Variants in PDE4D observed in about 807,000 individuals in gnomAD.
The protein encoded by PDE4D is 3',5'-cyclic-AMP phosphodiesterase 4D.
In PDE4D, 24 loss-of-function variants were observed where a neutral mutation model predicts 87.4. The observed-to-expected ratio is 0.27, with a 90% CI of 0.20 to 0.39. PDE4D has a LOEUF of 0.39. Ranked by LOEUF, PDE4D falls within the 10% of genes least tolerant of loss-of-function variation. PDE4D has a pLI of 1.00. For missense variants in PDE4D, 714 were observed against 1,041.0 expected (o/e 0.69, Z 4.32); for synonymous variants, 384 against 383.2 (o/e 1.00, Z -0.02).
intron 1 of PDE4D, among the ~76,000 whole-genome samples, chr5:60,478,284 G>A (rs922744886): frequency 3.3e-5 from 5 of 152,082 alleles, no homozygotes; most frequent in Admixed American, 6.6e-5. Context: ...AAGCTGAACC[G>A]TTAGCATCCC....
intron 1 of PDE4D, among the ~76,000 whole-genome samples, chr5:60,362,720 A>G (rs1760172216): frequency 6.6e-6 from 1 of 152,118 alleles, no homozygotes. Context: ...TTAGCCAGGT[A>G]TGGCGGCAGG....
chr5:60,260,574 A>T (rs1166806295), intron 1 of PDE4D, among the ~76,000 whole-genome samples: 1 of 152,128 alleles, frequency 6.6e-6, no homozygotes, highest in Non-Finnish European at 1.5e-5. Context: ...GGAAGAGAGA[A>T]GACCAACCAG....
intron 1 of PDE4D, among the ~76,000 whole-genome samples, chr5:59,470,849 T>A (rs561880997): frequency 5.9e-4 from 90 of 152,226 alleles, no homozygotes; most frequent in Non-Finnish European, 1.1e-3. Flanking sequence ...CCTAAGGTGC[T>A]CCACTATTAA....
intron 1 of PDE4D, among the ~76,000 whole-genome samples, chr5:60,301,257 A>T (rs995753276): frequency 9.9e-5 from 15 of 152,202 alleles, no homozygotes; most frequent in Non-Finnish European, 2.2e-4. Flanking sequence ...GAAGAATGTC[A>T]ATGGTAATTT....
intron 1 of PDE4D, among the ~76,000 whole-genome samples, chr5:59,829,336 C>T (rs558771922): frequency 6.6e-6 from 1 of 152,066 alleles, no homozygotes; most frequent in South Asian, 2.1e-4. Context: ...AAAAAAATAG[C>T]TTAGGGAAGA....
chr5:59,330,885 A>G (rs2153576759), intron 1 of PDE4D, among the ~76,000 whole-genome samples: 1 of 152,152 alleles, frequency 6.6e-6, no homozygotes, highest in South Asian at 2.1e-4. Flanking sequence ...TCTGACACAC[A>G]TTTCTGACAT....
chr5:59,010,960 G>C (rs1024386925), intron 6 of PDE4D, among the ~76,000 whole-genome samples: 7 of 152,128 alleles, frequency 4.6e-5, no homozygotes, highest in African/African-American at 1.7e-4. Flanking sequence ...GGAAGGATCA[G>C]GTAGCTACAT....
At chr5:59,307,863 A>T (rs996608056) in intron 1 of PDE4D, among the ~76,000 whole-genome samples, 1 of 152,014 alleles carries the variant, frequency 6.6e-6, no homozygotes, top group Non-Finnish European at 1.5e-5. Flanking sequence ...ATTACCGGGT[A>T]TATACCCAAA....
intron 1 of PDE4D, among the ~76,000 whole-genome samples, chr5:60,217,906 G>A (rs1744049706): frequency 6.6e-6 from 1 of 151,810 alleles, no homozygotes. Flanking sequence ...TCACATATGG[G>A]CACAAATGCA....
chr5:59,764,512 C>T (rs183942621), intron 1 of PDE4D, among the ~76,000 whole-genome samples: 2 of 152,226 alleles, frequency 1.3e-5, no homozygotes, highest in African/African-American at 2.4e-5. Flanking sequence ...TGACATAGCA[C>T]CTAGAGTATG....
rs188402275 is a variant in PDE4D at position 59,502,831 on chromosome 5, A to T, written c.456-286863T>A. Among the ~76,000 whole-genome samples, 27 of 152,024 alleles carry T rather than the reference A, an allele frequency of 1.8e-4. 1 individual carries two copies. The East Asian group carries it at 4.6e-3, about 26-fold the overall frequency. On this transcript the variant is annotated intron_variant, in intron 1 of 14. Transcript: ENST00000340635. ...AGTGAAAAGGAAAGGACAAACTAAC[A>T]TCTGATTCCACACTATTTCTAATTC...
At chr5:60,252,614 T>C (rs1724398607) in intron 1 of PDE4D, among the ~76,000 whole-genome samples, 1 of 151,698 alleles carries the variant, frequency 6.6e-6, no homozygotes, top group African/African-American at 2.4e-5. Flanking sequence ...ATGAGACGGA[T>C]AGAAATGAAG....
intron 5 of PDE4D, among the ~76,000 whole-genome samples, chr5:59,159,307 T>TC (rs1157582886): frequency 6.6e-6 from 1 of 151,578 alleles, no homozygotes; most frequent in East Asian, 1.9e-4. Context: ...TTTTGTATTT[T>TC]TTTTTTGTAG....
At chr5:60,045,643 T>A (rs943312855) in intron 2 of PDE4D, among the ~76,000 whole-genome samples, 5 of 152,218 alleles carry the variant, frequency 3.3e-5, no homozygotes, top group Admixed American at 3.3e-4. Context: ...TGCTTGTTTT[T>A]CTCAGGTTTG....
chr5:60,108,763 G>T (rs563742459), intron 2 of PDE4D, among the ~76,000 whole-genome samples: 1 of 152,138 alleles, frequency 6.6e-6, no homozygotes, highest in Non-Finnish European at 1.5e-5. Flanking sequence ...ATGGGGAAAC[G>T]ATTCCCTATT....
intron 2 of PDE4D, among the ~76,000 whole-genome samples, chr5:60,018,480 C>T (rs1380239992): frequency 1.3e-5 from 2 of 152,154 alleles, no homozygotes; most frequent in African/African-American, 2.4e-5. Flanking sequence ...ATCAAATTTA[C>T]ACATAACAAT....
chr5:59,509,180 G>GA (rs1311052144), intron 1 of PDE4D, among the ~76,000 whole-genome samples: 1 of 151,690 alleles, frequency 6.6e-6, no homozygotes, highest in Non-Finnish European at 1.5e-5. Context: ...CACCCAAAAA[G>GA]AAAAAAGTAA....
At chr5:60,466,512 G>A (rs1747365686) in intron 1 of PDE4D, among the ~76,000 whole-genome samples, 2 of 152,242 alleles carry the variant, frequency 1.3e-5, no homozygotes, top group African/African-American at 4.8e-5. Context: ...TCAAGACAAT[G>A]TTTAAAAATA....
At chr5:60,227,803 T>G (rs1745305159) in intron 1 of PDE4D, among the ~76,000 whole-genome samples, 1 of 152,152 alleles carries the variant, frequency 6.6e-6, no homozygotes, top group Non-Finnish European at 1.5e-5. Flanking sequence ...GATCTTCAGC[T>G]GATCTCTTAA....
Sources: gnomAD v4.1 joint callset for allele counts (sites outside exome capture counted in the v4.1 genomes callset) on GRCh38, gnomAD v4.1.1 for gene constraint, MANE v1.5 for transcripts, NCBI Gene and HGNC (gene_info 2026-07-23, HGNC 2026-07-21) for gene names.